INVS: variants seen among roughly 807,000 people sequenced by gnomAD.
The protein encoded by INVS is inversin, also known as inversion of embryo turning homolog.
INVS carries 86 observed loss-of-function variants against 108.8 expected under a neutral mutation model. The ratio of observed to expected loss-of-function variants is 0.79; its 90% CI spans 0.66 to 0.95. The LOEUF is 0.95. INVS is among the 40% of genes least tolerant of loss of function. The pLI is 0.00. For synonymous variants in INVS, 455 were observed against 473.5 expected (o/e 0.96, Z 0.51); for missense variants, 1,169 against 1,297.4 (o/e 0.90, Z 1.52).
chr9:100,100,665 T>A (rs1253854222), intron 1 of INVS, among the ~76,000 whole-genome samples: 25 of 21,848 alleles, frequency 1.1e-3, no homozygotes, highest in African/African-American at 3.1e-3. Flanking sequence ...ATATATATAT[T>A]ATATATGTAC....
At chr9:100,247,396 AAG>A (rs1330042494) in intron 8 of INVS, among the ~76,000 whole-genome samples, 2 of 152,160 alleles carry the variant, frequency 1.3e-5, no homozygotes, top group African/African-American at 4.8e-5. Context: ...TGGTTAATGA[AAG>A]GTAGTTTTTC....
chr9:100,284,402 C>T lies in INVS; in HGVS notation c.1867C>T (p.Leu623Phe), dbSNP rs771793533. 6.2e-7 allele frequency: 1 copy of T among 1,614,074 alleles called. No individual in the cohort carries two copies. The highest frequency in any genetic ancestry group is 2.2e-5 in the East Asian group (1 of 44,892). ...RSPDSCRPQA[L>F]PCLPSTQDVP... ...CCCAGATTCCTGCAGACCCCAGGCC[C>T]TTCCCTGTCTGCCTAGCACCCAGGA... The change falls in exon 13 of 17, where the codon CTT becomes TTT. Residue 623 changes from leucine (L) to phenylalanine (F), a missense_variant. Around this residue, in one of 3 missense-constraint regions of INVS, gnomAD observed 271 missense variants for 363.8 expected, o/e 0.74. Coordinates refer to ENST00000262457, the MANE Select transcript of INVS (RefSeq NM_014425.5).
Position 100,264,926 on chromosome 9 carries a change from G to A in INVS, c.1569G>A (p.Glu523=), listed in dbSNP as rs374617150. The A allele has an allele frequency of 2.5e-6, 4 of 1,584,956 alleles. No individual in the cohort carries two copies. The South Asian group carries it at 3.3e-5, about 13-fold the overall frequency. The change falls in exon 11 of 17, where the codon GAG becomes GAA. Residue 523 remains glutamate (E), a splice_region_variant and synonymous_variant. Transcript: ENST00000262457. ...AFPNQMENNE[E]RYTPLDYALL... is the part of the protein sequence containing the mutation. ...CTAATCAGATGGAAAACAATGAAGA[G>A]AGGTAAGTTGTTGTTGACTTTTTTT...
chr9:100,297,871 C>G, intron 15 of INVS, 65 bp from the exon 16 acceptor site: 1 of 1,518,022 alleles, frequency 6.6e-7, no homozygotes, highest in Non-Finnish European at 9.2e-7. Context: ...ATAAGGAATT[C>G]AGAAGTTGGT....
intron 5 of INVS, among the ~76,000 whole-genome samples, chr9:100,231,481 A>T (rs1831510179): frequency 6.6e-6 from 1 of 151,876 alleles, no homozygotes; most frequent in African/African-American, 2.4e-5. Flanking sequence ...TACATTAGGT[A>T]TTTCTCCTAA....
intron 1 of INVS, chr9:100,101,997 G>T (rs1827010162): frequency 6.6e-6 from 1 of 152,196 alleles, no homozygotes; most frequent in Non-Finnish European, 1.5e-5. Flanking sequence ...CCCATCAGGT[G>T]TTTGAATTGT....
rs765828481 is a variant in INVS at position 100,104,497 on chromosome 9, G to T, written c.-24-1G>T. 6 of 1,521,106 alleles carry T rather than the reference G, an allele frequency of 3.9e-6. No individual in the cohort carries two copies. Among genetic ancestry groups the T allele is most frequent in the Non-Finnish European group, 5.5e-6 (6 of 1,095,690 alleles). The allele number at this position is 1,521,106 out of a possible 1,614,324, so 94.2% of individuals were successfully genotyped here. A position where few individuals can be genotyped will look rare whatever the true frequency, so the allele number is the denominator to read the frequency against. ...GCTCATTGTCTGAATCATTGTTTCA[G>T]GTTGCTCCGGTTGCTAAGAAGACTA... is the stretch of plus-strand genomic sequence containing the variant. On this transcript the variant is annotated splice_acceptor_variant, in intron 1 of 16. Coordinates refer to ENST00000262457, the MANE Select transcript of INVS (RefSeq NM_014425.5). LOFTEE classifies it low-confidence loss of function (5UTR_SPLICE).
chr9:100,118,329 C>T (rs1365878221), intron 2 of INVS, among the ~76,000 whole-genome samples: 2 of 151,952 alleles, frequency 1.3e-5, no homozygotes, highest in Admixed American at 6.6e-5. Flanking sequence ...TTGCCTCAAC[C>T]TCCTGAGTAG....
At chr9:100,277,833 A>G (rs1833155446) in intron 12 of INVS, among the ~76,000 whole-genome samples, 1 of 152,206 alleles carries the variant, frequency 6.6e-6, no homozygotes, top group Non-Finnish European at 1.5e-5. Flanking sequence ...TGCAACACCA[A>G]CTGAAAAGGT....
chr9:100,237,670 G>T (rs147676895), intron 5 of INVS, among the ~76,000 whole-genome samples: 1 of 152,096 alleles, frequency 6.6e-6, no homozygotes, highest in South Asian at 2.1e-4. Context: ...TCTGCTCACC[G>T]TCTGTGGGCT....
At chr9:100,161,388 A>AACAAAAAAAAAC (rs1554718617) in intron 3 of INVS, among the ~76,000 whole-genome samples, 1 of 139,042 alleles carries the variant, frequency 7.2e-6, no homozygotes, top group African/African-American at 2.9e-5. Flanking sequence ...AAAAAAAAAA[A>AACAAAAAAAAAC]AAAACCTCAT....
At chr9:100,182,450 T>C (rs954137252) in intron 3 of INVS, among the ~76,000 whole-genome samples, 8 of 152,050 alleles carry the variant, frequency 5.3e-5, no homozygotes, top group African/African-American at 1.9e-4. Flanking sequence ...GGGCGAAGTA[T>C]ATAAACAGAC....
chr9:100,269,966 T>C (rs1832902024), intron 11 of INVS, among the ~76,000 whole-genome samples: 1 of 152,204 alleles, frequency 6.6e-6, no homozygotes, highest in Admixed American at 6.5e-5. Flanking sequence ...TACACTTATT[T>C]TTCCATTTTC....
chr9:100,146,510 CAG>C (rs1457911693), intron 3 of INVS, among the ~76,000 whole-genome samples: 1 of 152,206 alleles, frequency 6.6e-6, no homozygotes, highest in Non-Finnish European at 1.5e-5. Context: ...AGCTTGGGCT[CAG>C]AGGCCTGACA....
rs1329467056 is a variant in INVS, at chr9:100,245,648, A to G, written c.907-968A>G. ...GTAATAAAGGAATTGCTGAATAAAT[A>G]TTTGTTTTAATGAATTCAGCACTGC... On this transcript the variant is annotated intron_variant, in intron 7 of 16. Coordinates refer to ENST00000262457, the MANE Select transcript of INVS (RefSeq NM_014425.5). 3.9e-5 allele frequency among the ~76,000 whole-genome samples: 6 copies of G among 152,210 alleles called. No homozygotes were observed. In the East Asian group the frequency reaches 5.8e-4, roughly 15 times the overall value.
At chr9:100,261,366 C>T (rs372653603) in intron 10 of INVS, among the ~76,000 whole-genome samples, 9 of 151,162 alleles carry the variant, frequency 6.0e-5, no homozygotes, top group African/African-American at 9.7e-5. Flanking sequence ...CCCGGGTTCG[C>T]GCCATTCTTC....
chr9:100,205,594 G>A (rs1002955419), intron 3 of INVS, among the ~76,000 whole-genome samples: 10 of 151,756 alleles, frequency 6.6e-5, no homozygotes, highest in African/African-American at 2.2e-4. Flanking sequence ...ACAAAAAGGT[G>A]ACATATTTTA....
intron 3 of INVS, among the ~76,000 whole-genome samples, chr9:100,204,796 G>A (rs1649752701): frequency 6.6e-6 from 1 of 151,794 alleles, no homozygotes; most frequent in African/African-American, 2.4e-5. Flanking sequence ...ATATATATAA[G>A]AAATACCTCA....
At chr9:100,178,045 T>C (rs1460247889) in intron 3 of INVS, among the ~76,000 whole-genome samples, 1 of 152,130 alleles carries the variant, frequency 6.6e-6, no homozygotes, top group Non-Finnish European at 1.5e-5. Flanking sequence ...GCCTGACTAT[T>C]AGAAGGAAAA....
Sources: gnomAD v4.1 joint callset for allele counts (sites outside exome capture counted in the v4.1 genomes callset) on GRCh38, gnomAD v4.1.1 for gene constraint, gnomAD v4.1.1 regional missense constraint, MANE v1.5 for transcripts, NCBI Gene and HGNC (gene_info 2026-07-23, HGNC 2026-07-21) for gene names.